The following EPPK1 variants were observed in gnomAD, a reference collection of about 807,000 sequenced individuals.
EPPK1 encodes epiplakin 1, also known as epiplakin.
For missense variants in EPPK1, 3,823 were observed against 3,673.3 expected (o/e 1.04, Z -1.05); for synonymous variants, 1,862 against 1,721.2 (o/e 1.08, Z -2.03).
intron 1 of EPPK1, among the ~76,000 whole-genome samples, chr8:143,876,352 G>A (rs1311328893): frequency 2.0e-5 from 3 of 152,196 alleles, no homozygotes; most frequent in Admixed American, 6.5e-5. Flanking sequence ...TCTGGAGGAC[G>A]GGGAGGCAGC....
Position 143,871,748 on chromosome 8 carries a change from C to A in EPPK1, c.1506G>T (p.Lys502Asn). ...STATATVSVG[K>N]FRGRPVSLWE... ...AGAGGGACACGGGCCGGCCCCGGAA[C>A]TTCCCCACAGAGACGGTGGCTGTGG... Residue 502 changes from lysine to asparagine, a missense_variant, in exon 2 of 2, where the codon AAG (lysine) becomes AAT (asparagine). By Grantham distance (94) the Lys-to-Asn change is moderately conservative. Transcript: ENST00000615648. 1 of 1,610,610 alleles carries A rather than the reference C, an allele frequency of 6.2e-7. No homozygotes were observed. Among genetic ancestry groups the A allele is most frequent in the Non-Finnish European group, 8.5e-7 (1 of 1,178,892 alleles).
In EPPK1 at chr8:143,869,379, G is replaced by A; in HGVS notation, c.3875C>T (p.Pro1292Leu). 16 of 1,610,368 alleles carry A rather than the reference G, an allele frequency of 9.9e-6. No individual in the cohort carries two copies. The highest frequency in any genetic ancestry group is 1.4e-5 in the Non-Finnish European group (16 of 1,179,030). Residue 1292 changes from proline to leucine, a missense_variant, in exon 2 of 2, where the codon CCC (proline) becomes CTC (leucine). By Grantham distance (98) the Pro-to-Leu change is moderately conservative (BLOSUM62 -3). Transcript: ENST00000615648. ...CACTGACAGTCTCTGGTTGTTCAGG[G>A]GGTCAACAAGGAAGCCAGATGCCAC... is the stretch of plus-strand genomic sequence containing the variant. ...AQVASGFLVD[P>L]LNNQRLSVED...
In EPPK1 at chr8:143,872,569, G is replaced by C. The variant is rs1554661621; in HGVS notation, c.685C>G (p.Leu229Val). ...VRAPGSGLAL[L>V]PLKITFRSMG... Reference sequence around the variant, plus strand: ...GAGCGGAAGGTGATCTTGAGGGGCAGCAAGGCTAGCCCCGAGCCGGGGGCA... The same window carrying C: ...GAGCGGAAGGTGATCTTGAGGGGCACCAAGGCTAGCCCCGAGCCGGGGGCA... Residue 229 changes from leucine (L) to valine (V), a missense_variant, in exon 2 of 2, where the codon CTG (leucine) becomes GTG (valine). Transcript: ENST00000615648. 4 of 1,606,726 alleles carry C rather than the reference G, an allele frequency of 2.5e-6. No homozygotes were observed. Among genetic ancestry groups the C allele is most frequent in the South Asian group, 1.1e-5 (1 of 90,564 alleles).
Position 143,866,895 on chromosome 8 carries a change from G to A in EPPK1, c.6359C>T (p.Pro2120Leu). 2 of 1,613,146 alleles carry A rather than the reference G, an allele frequency of 1.2e-6. No individual in the cohort carries two copies. The highest frequency in any genetic ancestry group is 1.7e-6 in the Non-Finnish European group (2 of 1,179,880). The part of the protein sequence containing the change: ...ITVGRFRGQK[P>L]TLWALLNSEY... ...GGAATTCAGTAGTGCCCACAGTGTTGGTTTCTGGCCTCTGAACCTTCCCAC... is the reference window on the plus strand; with the variant it reads ...GGAATTCAGTAGTGCCCACAGTGTTAGTTTCTGGCCTCTGAACCTTCCCAC... The change falls in exon 2 of 2, where the codon CCA becomes CTA. Residue 2120 changes from proline to leucine, a missense_variant. Pro to Leu is a moderately conservative substitution (Grantham distance 98, BLOSUM62 -3). Transcript: ENST00000615648.
chr8:143,875,588 T>G (rs1554662218), intron 1 of EPPK1, among the ~76,000 whole-genome samples: 1 of 151,944 alleles, frequency 6.6e-6, no homozygotes, highest in East Asian at 1.9e-4. Flanking sequence ...GACCATGGAG[T>G]AGGGCTGCTG....
Position 143,869,305 on chromosome 8 carries a change from G to A in EPPK1, c.3949C>T (p.Leu1317Phe), listed in dbSNP as rs371866890. 1.9e-6 allele frequency: 3 copies of A among 1,605,298 alleles called. No homozygotes were observed. The highest frequency in any genetic ancestry group is 1.7e-6 in the Non-Finnish European group (2 of 1,175,706). ...GCCGCCGCCCTCTCGGCCTGCCCGA[G>A]CTGCTCACTCAGCTCCCTGCCCACC... Reference protein sequence around the residue: ...GLVGRELSEQLGQAERAAAGY... With the variant: ...GLVGRELSEQFGQAERAAAGY... Residue 1317 changes from leucine to phenylalanine, a missense_variant, in exon 2 of 2, where the codon CTC (leucine) becomes TTC (phenylalanine). Transcript: ENST00000615648.
In EPPK1 at chr8:143,867,340, C is replaced by T. The variant is rs368596970; in HGVS notation, c.5914G>A (p.Glu1972Lys). 5.6e-6 allele frequency: 9 copies of T among 1,612,718 alleles called. No individual in the cohort carries two copies. Among genetic ancestry groups the T allele is most frequent in the African/African-American group, 2.7e-5 (2 of 74,932 alleles). Residue 1972 changes from glutamate to lysine, a missense_variant, in exon 2 of 2, where the codon GAA (glutamate) becomes AAA (lysine). Glu to Lys is a moderately conservative substitution (Grantham distance 56, BLOSUM62 1). Transcript: ENST00000615648. ...TCCCTGTAGCCCGTGGCAGCTCTTT[C>T]AGCCTTCAGGAGCCTCTCCCGCAGC... ...EELRERLLKA[E>K]RAATGYRDPA... is the part of the protein sequence containing the mutation.
Position 143,857,920 on chromosome 8 carries a change from C to CCCAAAAAAAA in EPPK1, c.*66_*67insTTTTTTTTGG. On this transcript the variant is annotated 3_prime_UTR_variant, in exon 2 of 2. Coordinates refer to ENST00000615648, the MANE Select transcript of EPPK1 (RefSeq NM_031308.4). ...ACAAAAAAAAAAAAAAAAAAAAAAA[C>CCCAAAAAAAA]AACCCAGACACACAAGTATGCCTCC... The CCCAAAAAAAA allele has an allele frequency of 6.3e-6, 2 of 319,406 alleles. No homozygotes were observed. The highest frequency in any genetic ancestry group is 6.0e-5 in the East Asian group (1 of 16,704). 19.8% of individuals were successfully genotyped at this position (319,406 alleles called of 1,614,324 possible).
chr8:143,868,518 T>C lies in EPPK1; in HGVS notation c.4736A>G (p.Gln1579Arg), dbSNP rs782627172. 4.4e-6 allele frequency: 7 copies of C among 1,608,290 alleles called. No individual in the cohort carries two copies. The South Asian group carries it at 4.4e-5, about 10-fold the overall frequency. Residue 1579 changes from glutamine (Q) to arginine (R), a missense_variant, in exon 2 of 2, where the codon CAG becomes CGG. By Grantham distance (43) the Gln-to-Arg change is conservative (BLOSUM62 1). Coordinates refer to ENST00000615648, the MANE Select transcript of EPPK1 (RefSeq NM_031308.4). ...GGNFIAGVLI[Q>R]GTQERMSIPE... ...GATGCTCATCCTCTCCTGGGTGCCC[T>C]GGATAAGGACCCCGGCAATGAAGTT...
Position 143,871,099 on chromosome 8 carries a change from G to A in EPPK1, c.2155C>T (p.Leu719=), listed in dbSNP as rs1554661026. Reference sequence around the variant, plus strand: ...CCCGTGGCGATCTGGGCCTCCAGCAGGCGGATGCCGTGCTCCCGGACGATG... The same window carrying A: ...CCCGTGGCGATCTGGGCCTCCAGCAAGCGGATGCCGTGCTCCCGGACGATG... ...GLIVREHGIR[L]LEAQIATGGV... is the part of the protein sequence containing the mutation. Residue 719 remains leucine, a synonymous_variant, in exon 2 of 2, where the codon CTG becomes TTG. Transcript: ENST00000615648. 4 of 1,613,050 alleles carry A rather than the reference G, an allele frequency of 2.5e-6. No individual in the cohort carries two copies. Among genetic ancestry groups the A allele is most frequent in the South Asian group, 1.1e-5 (1 of 91,084 alleles).
In EPPK1 at chr8:143,867,596, C is replaced by T. The variant is rs782191594; in HGVS notation, c.5658G>A (p.Leu1886=). The T allele has an allele frequency of 6.2e-7, 1 of 1,613,130 alleles. No individual in the cohort carries two copies. Among genetic ancestry groups the T allele is most frequent in the Middle Eastern group, 1.6e-4 (1 of 6,062 alleles). The change falls in exon 2 of 2, where the codon CTG becomes CTA. Residue 1886 remains leucine, a synonymous_variant. Transcript: ENST00000615648. The stretch of plus-strand genomic sequence containing the variant: ...CTTCCAGATAGGGCTTCACACACTC[C>T]AGCGTGCTGAGTGCCTGTCCCCCAG... The part of the protein sequence containing the change: ...GRTGGQALST[L]ECVKPYLEGS...
rs569958202 is a variant in EPPK1, at chr8:143,867,383, C to T, written c.5871G>A (p.Val1957=). 5.0e-6 allele frequency: 8 copies of T among 1,612,926 alleles called. No homozygotes were observed. Among genetic ancestry groups the T allele is most frequent in the South Asian group, 2.2e-5 (2 of 91,080 alleles). The change falls in exon 2 of 2, where the codon GTG becomes GTA. Residue 1957 remains valine, a synonymous_variant. Coordinates refer to ENST00000615648, the MANE Select transcript of EPPK1 (RefSeq NM_031308.4). ...QKLSVDEAVD[V]GLVNEELRER... ...CCCGCAGCTCCTCGTTCACCAGGCC[C>T]ACATCCACAGCCTCATCCACAGAGA...
Position 143,867,028 on chromosome 8 carries a change from C to T in EPPK1, c.6226G>A (p.Glu2076Lys), listed in dbSNP as rs1563879620. 1 of 1,612,854 alleles carries T rather than the reference C, an allele frequency of 6.2e-7. No individual in the cohort carries two copies. The highest frequency in any genetic ancestry group is 1.7e-5 in the Admixed American group (1 of 60,032). ...GGGAACAGCAGCCAGCCCGTGTCCTCTTGTGGGCGGCACCTCTCCTGCAGC... is the reference window on the plus strand; with the variant it reads ...GGGAACAGCAGCCAGCCCGTGTCCTTTTGTGGGCGGCACCTCTCCTGCAGC... ...RELQERCRPQ[E>K]DTGWLLFPVN... is the part of the protein sequence containing the mutation. The change falls in exon 2 of 2, where the codon GAG becomes AAG. Residue 2076 changes from glutamate (E) to lysine (K), a missense_variant. By Grantham distance (56) the Glu-to-Lys change is moderately conservative. Transcript: ENST00000615648.
Position 143,857,729 on chromosome 8 carries a change from C to T in EPPK1, c.*258G>A, listed in dbSNP as rs880000613. 1.2e-5 allele frequency: 5 copies of T among 410,658 alleles called. No individual in the cohort carries two copies. Among genetic ancestry groups the T allele is most frequent in the Admixed American group, 4.0e-5 (1 of 25,108 alleles). 25.4% of individuals were successfully genotyped at this position (410,658 alleles called of 1,614,324 possible). On this transcript the variant is annotated 3_prime_UTR_variant, in exon 2 of 2. Transcript: ENST00000615648. ...AACAGACAGAAAAATGTTCTGAAAA[C>T]GAAAAAGGAGAGAAAAGTAAAACCA...
rs782270058 is a variant in EPPK1 at position 143,869,476 on chromosome 8, C to T, written c.3778G>A (p.Ala1260Thr). ...TCCCTCACGGCCTGGGCGATGCTGG[C>T]CTTGGCCCCAGAGGGCTGTAGCAGC... Reference protein sequence around the residue: ...GVLLQPSGAKASIAQAVRDGL... With the variant: ...GVLLQPSGAKTSIAQAVRDGL... Residue 1260 changes from alanine (A) to threonine (T), a missense_variant, in exon 2 of 2, where the codon GCC becomes ACC. Physicochemically the swap from Ala to Thr is moderately conservative, Grantham distance 58. Coordinates refer to ENST00000615648, the MANE Select transcript of EPPK1 (RefSeq NM_031308.4). The T allele has an allele frequency of 6.4e-7, 1 of 1,550,974 alleles. No homozygotes were observed. The highest frequency in any genetic ancestry group is 8.7e-7 in the Non-Finnish European group (1 of 1,153,158).
chr8:143,874,452 A>T (rs889468688), intron 1 of EPPK1, among the ~76,000 whole-genome samples: 6 of 152,214 alleles, frequency 3.9e-5, no homozygotes, highest in Admixed American at 3.3e-4. Context: ...TAGTGTCCTT[A>T]TAAGAAGACA....
At chr8:143,875,009 C>A (rs918237274) in intron 1 of EPPK1, among the ~76,000 whole-genome samples, 2 of 152,178 alleles carry the variant, frequency 1.3e-5, no homozygotes, top group Non-Finnish European at 2.9e-5. Flanking sequence ...GACAGGGTTC[C>A]GCTCCATCTT....
rs1426526429 is a variant in EPPK1 at position 143,866,497 on chromosome 8, C to G, written c.6757G>C (p.Val2253Leu). 1.0e-5 allele frequency: 16 copies of G among 1,547,576 alleles called. No individual in the cohort carries two copies. The East Asian group carries it at 3.4e-4, about 33-fold the overall frequency. The part of the protein sequence containing the change: ...MSIYQAMWKG[V>L]LRPGTALVLL... The stretch of plus-strand genomic sequence containing the variant: ...ACCAGGGCCGTGCCGGGCCGCAGCA[C>G]GCCCTTCCACATGGCCTGGTAGATG... Residue 2253 changes from valine (V) to leucine (L), a missense_variant, in exon 2 of 2, where the codon GTG becomes CTG. Physicochemically the swap from Val to Leu is conservative, Grantham distance 32. Coordinates refer to ENST00000615648, the MANE Select transcript of EPPK1 (RefSeq NM_031308.4).
chr8:143,876,927 C>T (rs970076898), intron 1 of EPPK1, among the ~76,000 whole-genome samples: 12 of 152,176 alleles, frequency 7.9e-5, no homozygotes, highest in African/African-American at 2.9e-4. Flanking sequence ...GCACCTTGGG[C>T]GGGCCCCTGA....
Sources: allele counts gnomAD v4.1 joint callset (sites outside exome capture counted in the v4.1 genomes callset), GRCh38; gene constraint gnomAD v4.1.1; transcripts MANE v1.5; gene names NCBI Gene and HGNC (gene_info 2026-07-23, HGNC 2026-07-21).